Variants in GUCD1 observed in about 807,000 individuals in gnomAD.
GUCD1 encodes the protein guanylyl cyclase domain containing 1, also known as protein GUCD1.
GUCD1 carries 17 observed loss-of-function variants against 28.3 expected under a neutral mutation model. The ratio of observed to expected loss-of-function variants is 0.60; its 90% CI spans 0.41 to 0.90. The LOEUF (loss-of-function observed/expected upper bound fraction) is 0.90. Among genes scored for constraint, GUCD1 ranks in the 40% least tolerant of loss-of-function variants. The pLI is 0.00. For synonymous variants in GUCD1, 129 were observed against 123.3 expected (o/e 1.05, Z -0.30); for missense variants, 279 against 305.5 (o/e 0.91, Z 0.65).
rs1395391530 is a variant in GUCD1 at position 24,543,822 on chromosome 22, C to T, written c.628+20G>A. 1.2e-6 allele frequency: 2 copies of T among 1,611,302 alleles called. No individual in the cohort carries two copies. The highest frequency in any genetic ancestry group is 1.1e-5 in the South Asian group (1 of 90,760). ...GTGAATGTGGACCACTCTGCCTCAC[C>T]CACCCCACCCAGCACTCACGGTCGG... On this transcript the variant is annotated intron_variant, in intron 5 of 5. Transcript: ENST00000435822.
chr22:24,542,845 G>A lies in GUCD1; in HGVS notation c.*161C>T. The A allele has an allele frequency of 1.6e-6, 1 of 618,510 alleles. No individual in the cohort carries two copies. Among genetic ancestry groups the A allele is most frequent in the Non-Finnish European group, 2.9e-6 (1 of 343,112 alleles). The allele number at this position is 618,510 out of a possible 1,614,324, so 38.3% of individuals were successfully genotyped here. A position where few individuals can be genotyped will look rare whatever the true frequency, so the allele number is the denominator to read the frequency against. ...ACACACGGCACTGGCAGACAAAGCA[G>A]CTGTGCCAGTCTCCGAGTTCCTGGG... On this transcript the variant is annotated 3_prime_UTR_variant, in exon 6 of 6. Coordinates refer to ENST00000435822, the MANE Select transcript of GUCD1 (RefSeq NM_001284254.2).
At position 24,546,942 on chromosome 22, in the gene GUCD1, T is replaced by C. The variant is rs1254102079; in HGVS notation, c.358A>G (p.Lys120Glu). 3 of 1,614,060 alleles carry C rather than the reference T, an allele frequency of 1.9e-6. No homozygotes were observed. In the South Asian group the frequency reaches 3.3e-5, roughly 18 times the overall value. The change falls in exon 4 of 6, where the codon AAG becomes GAG. Residue 120 changes from lysine (K) to glutamate (E), a missense_variant. Coordinates refer to ENST00000435822, the MANE Select transcript of GUCD1 (RefSeq NM_001284254.2). ...TRVNQLFAQA[K>E]ACKVLVEKCT... Reference sequence around the variant, plus strand: ...TTCTCCACCAGCACCTTGCAGGCCTTTGCTTGTGCAAACAGCTGATTCACC... The same window carrying C: ...TTCTCCACCAGCACCTTGCAGGCCTCTGCTTGTGCAAACAGCTGATTCACC...
Position 24,543,021 on chromosome 22 carries a change from G to A in GUCD1, c.705C>T (p.Val235=), listed in dbSNP as rs780506957. 131 of 1,613,070 alleles carry A rather than the reference G, an allele frequency of 8.1e-5. No homozygotes were observed. The highest frequency in any genetic ancestry group is 3.0e-4 in the Admixed American group (18 of 59,998). Residue 235 remains valine (V), a synonymous_variant, in exon 6 of 6, where the codon GTC becomes GTT. Coordinates refer to ENST00000435822, the MANE Select transcript of GUCD1 (RefSeq NM_001284254.2). The part of the protein sequence containing the change: ...SYGTDEDILF[V]YLDS Reference sequence around the variant, plus strand: ...GCTCCTGCTGTCAGCTGTCCAAGTAGACAAAGAGGATGTCCTCATCTGTGC... The same window carrying A: ...GCTCCTGCTGTCAGCTGTCCAAGTAAACAAAGAGGATGTCCTCATCTGTGC...
At chr22:24,548,307 G>A (rs2044783179) in intron 2 of GUCD1, among the ~76,000 whole-genome samples, 1 of 152,228 alleles carries the variant, frequency 6.6e-6, no homozygotes, top group African/African-American at 2.4e-5. Flanking sequence ...TGTCTTGTGG[G>A]CTGTGACCTT....
chr22:24,547,042 C>A (rs774836299), intron 3 of GUCD1, 37 bp from the exon 4 acceptor site: 1 of 1,499,612 alleles, frequency 6.7e-7, no homozygotes, highest in East Asian at 2.3e-5. Context: ...GGCCACCACC[C>A]AGGCTGCCTT....
At chr22:24,553,676 T>C (rs1472493137) in intron 1 of GUCD1, among the ~76,000 whole-genome samples, 1 of 152,218 alleles carries the variant, frequency 6.6e-6, no homozygotes, top group Non-Finnish European at 1.5e-5. Context: ...GCTATGACTG[T>C]CCATGCCTTT....
Position 24,548,003 on chromosome 22 carries a change from A to G in GUCD1, c.199T>C (p.Trp67Arg). Reference protein sequence around the residue: ...LQKLQLTRSIWTIDLAYLMHH... With the variant: ...LQKLQLTRSIRTIDLAYLMHH... ...ATCAGGTAGGCCAGGTCGATGGTCC[A>G]GATGCTCCTGGTCAGCTGCAGCTTC... is the stretch of plus-strand genomic sequence containing the variant. Residue 67 changes from tryptophan (W) to arginine (R), a missense_variant, in exon 3 of 6, where the codon TGG (tryptophan) becomes CGG (arginine). Physicochemically the swap from Trp to Arg is moderately radical, Grantham distance 101. Coordinates refer to ENST00000435822, the MANE Select transcript of GUCD1 (RefSeq NM_001284254.2). The G allele has an allele frequency of 6.2e-7, 1 of 1,614,178 alleles. No homozygotes were observed. The highest frequency in any genetic ancestry group is 8.5e-7 in the Non-Finnish European group (1 of 1,180,014).
rs1244415877 is a variant in GUCD1, at chr22:24,547,015, GAA to G, written c.295-12_295-11del. On this transcript the variant is annotated splice_polypyrimidine_tract_variant and intron_variant, in intron 3 of 5. Transcript: ENST00000435822. ...GCTTCCTGTAGAAGGACTGAACAGA[GAA>G]GAGGGGGATGGAGTGGCCACCACCC... is the stretch of plus-strand genomic sequence containing the variant. 5.0e-6 allele frequency: 8 copies of G among 1,609,172 alleles called. No individual in the cohort carries two copies. Among genetic ancestry groups the G allele is most frequent in the Non-Finnish European group, 6.8e-6 (8 of 1,175,634 alleles).
At chr22:24,555,647 G>A (rs2045042082), upstream of GUCD1, 2 of 1,550,548 alleles carry the variant, frequency 1.3e-6, no homozygotes, top group South Asian at 2.4e-5. Flanking sequence ...ATGAAATTGT[G>A]ACGGGAAGTC....
At chr22:24,553,998 C>T (rs1299563098) in intron 1 of GUCD1, among the ~76,000 whole-genome samples, 2 of 152,264 alleles carry the variant, frequency 1.3e-5, no homozygotes, top group African/African-American at 2.4e-5. Flanking sequence ...CAGTTAGTGG[C>T]TGTCACTAAG....
At chr22:24,555,650 G>T (rs1188575808), upstream of GUCD1, 2 of 1,550,658 alleles carry the variant, frequency 1.3e-6, no homozygotes, top group Non-Finnish European at 1.7e-6. Flanking sequence ...AAATTGTGAC[G>T]GGAAGTCCTG....
At position 24,543,914 on chromosome 22, in the gene GUCD1, G is replaced by A. The variant is rs1018146347; in HGVS notation, c.556C>T (p.His186Tyr). The A allele has an allele frequency of 1.2e-6, 2 of 1,613,970 alleles. No homozygotes were observed. Among genetic ancestry groups the A allele is most frequent in the Non-Finnish European group, 1.7e-6 (2 of 1,179,980 alleles). ...TTGTAGCCACGCAGCACGATGAAGT[G>A]GCCCTGGTAGTCAGGAGTGCGGCAG... is the stretch of plus-strand genomic sequence containing the variant. ...CFCRTPDYQGHFIVLRGYNRA... is the reference protein window; with the variant it reads ...CFCRTPDYQGYFIVLRGYNRA... Residue 186 changes from histidine (H) to tyrosine (Y), a missense_variant, in exon 5 of 6, where the codon CAC becomes TAC. Physicochemically the swap from His to Tyr is moderately conservative, Grantham distance 83 (BLOSUM62 2). Coordinates refer to ENST00000435822, the MANE Select transcript of GUCD1 (RefSeq NM_001284254.2).
Position 24,543,489 on chromosome 22 carries a change from C to G in GUCD1, c.628+353G>C, listed in dbSNP as rs552906209. 1.2e-4 allele frequency among the ~76,000 whole-genome samples: 18 copies of G among 152,200 alleles called. No individual in the cohort carries two copies. In the South Asian group the frequency reaches 3.7e-3, roughly 32 times the overall value. ...GTCTAGAGCAGGGGCTGGGTCTGGC[C>G]GGGCTTTTCTTTCTGAGGAATGTGC... On this transcript the variant is annotated intron_variant, in intron 5 of 5. Transcript: ENST00000435822.
intron 4 of GUCD1, 116 bp downstream of exon 4, chr22:24,546,798 C>T: frequency 1.1e-6 from 1 of 914,516 alleles, no homozygotes; most frequent in Non-Finnish European, 1.8e-6. Flanking sequence ...GTAGCCAGTT[C>T]TGCCTGGCTC....
chr22:24,543,174 G>C (rs933837576), intron 5 of GUCD1, 77 bp from the exon 6 acceptor site: 2 of 1,032,242 alleles, frequency 1.9e-6, no homozygotes, highest in African/African-American at 3.1e-5. Flanking sequence ...AGTGCCCAGG[G>C]GAGCTGAGTG....
rs1417202538 is a variant in GUCD1, at chr22:24,546,980, G to C, written c.320C>G (p.Thr107Arg). 6.2e-7 allele frequency: 1 copy of C among 1,614,010 alleles called. No individual in the cohort carries two copies. Among genetic ancestry groups the C allele is most frequent in the African/African-American group, 1.3e-5 (1 of 74,924 alleles). ...CAGCTGATTCACCCGGGTCTCTTCT[G>C]TGTCAAAGTGCTTCCTGTAGAAGGA... ...NQSFYRKHFD[T>R]EETRVNQLFA... The change falls in exon 4 of 6, where the codon ACA (threonine) becomes AGA (arginine). Residue 107 changes from threonine to arginine, a missense_variant. Coordinates refer to ENST00000435822, the MANE Select transcript of GUCD1 (RefSeq NM_001284254.2).
At chr22:24,552,091 C>T (rs1436079616) in intron 1 of GUCD1, among the ~76,000 whole-genome samples, 1 of 152,136 alleles carries the variant, frequency 6.6e-6, no homozygotes, top group Non-Finnish European at 1.5e-5. Flanking sequence ...TAGGTGGCAC[C>T]ATCTACAAGG....
chr22:24,553,937 G>T (rs776903725), intron 1 of GUCD1, among the ~76,000 whole-genome samples: 10 of 152,268 alleles, frequency 6.6e-5, no homozygotes, highest in Non-Finnish European at 1.0e-4. Flanking sequence ...GCCACAGCCA[G>T]ACGTTGCTGC....
chr22:24,555,839 C>T (rs1192605570), upstream of GUCD1: 11 of 1,542,774 alleles, frequency 7.1e-6, no homozygotes, highest in African/African-American at 6.8e-5. Flanking sequence ...CCCTCTTTTC[C>T]GGTGCCGGAA....
Sources: allele counts gnomAD v4.1 joint callset (sites outside exome capture counted in the v4.1 genomes callset), GRCh38; gene constraint gnomAD v4.1.1; transcripts MANE v1.5; gene names NCBI Gene and HGNC (gene_info 2026-07-23, HGNC 2026-07-21).